Variants in ATXN1 observed in about 807,000 individuals in gnomAD.
ATXN1 encodes ataxin-1.
In ATXN1, 8 loss-of-function variants were observed where a neutral mutation model predicts 56.4. The observed-to-expected ratio is 0.14, with a 90% CI of 0.08 to 0.26. The LOEUF (loss-of-function observed/expected upper bound fraction) is 0.26. Ranked by LOEUF, ATXN1 falls within the 10% of genes least tolerant of loss-of-function variation. The pLI, the probability that ATXN1 is intolerant of heterozygous loss-of-function variation, is 1.00. For synonymous variants in ATXN1, 514 were observed against 494.6 expected, an observed-to-expected ratio of 1.04 and a Z score of -0.52; for missense variants, 987 against 1,106.5, an observed-to-expected ratio of 0.89 and a Z score of 1.53.
intron 7 of ATXN1, among the ~76,000 whole-genome samples, chr6:16,320,771 CA>C (rs1207975588): frequency 6.6e-6 from 1 of 152,206 alleles, no homozygotes; most frequent in Non-Finnish European, 1.5e-5. Flanking sequence ...AGTTCATACT[CA>C]GAAATACAGA....
At chr6:16,622,052 T>G (rs547875964) in intron 3 of ATXN1, among the ~76,000 whole-genome samples, 1 of 152,338 alleles carries the variant, frequency 6.6e-6, no homozygotes, top group Admixed American at 6.5e-5. Flanking sequence ...CTGATTATGA[T>G]CAGTGAGCTT....
chr6:16,623,054 T>G (rs555023999), intron 3 of ATXN1, among the ~76,000 whole-genome samples: 1 of 152,364 alleles, frequency 6.6e-6, no homozygotes, highest in African/African-American at 2.4e-5. Context: ...CTTTCATTGT[T>G]GTATTGTGTT....
chr6:16,598,554 G>A (rs1762857947), intron 3 of ATXN1, among the ~76,000 whole-genome samples: 1 of 152,148 alleles, frequency 6.6e-6, no homozygotes, highest in Admixed American at 6.5e-5. Flanking sequence ...TGTCTCAGAA[G>A]GTTGTTACGT....
intron 6 of ATXN1, among the ~76,000 whole-genome samples, chr6:16,420,893 C>T (rs945732933): frequency 2.0e-5 from 3 of 152,180 alleles, no homozygotes; most frequent in Non-Finnish European, 2.9e-5. Context: ...TGCTAAGAGA[C>T]AAAACTGAAA....
At chr6:16,347,916 C>T (rs1375350697) in intron 6 of ATXN1, among the ~76,000 whole-genome samples, 2 of 152,198 alleles carry the variant, frequency 1.3e-5, no homozygotes, top group Non-Finnish European at 2.9e-5. Flanking sequence ...TGCTGCTGTT[C>T]ACTCTTTGGA....
intron 6 of ATXN1, among the ~76,000 whole-genome samples, chr6:16,440,421 C>T (rs1272531914): frequency 6.7e-6 from 1 of 148,774 alleles, no homozygotes; most frequent in Non-Finnish European, 1.5e-5. Flanking sequence ...GGCAAAAGAA[C>T]GTGGGAAAGA....
chr6:16,425,401 A>C (rs1294125934), intron 6 of ATXN1, among the ~76,000 whole-genome samples: 2 of 152,232 alleles, frequency 1.3e-5, no homozygotes, highest in African/African-American at 4.8e-5. Context: ...GAATGCTCCC[A>C]ACATAATATA....
At chr6:16,388,594 C>G (rs1158034359) in intron 6 of ATXN1, among the ~76,000 whole-genome samples, 1 of 152,238 alleles carries the variant, frequency 6.6e-6, no homozygotes, top group African/African-American at 2.4e-5. Flanking sequence ...CAGTTGGGAA[C>G]TTCACATGTG....
intron 4 of ATXN1, among the ~76,000 whole-genome samples, chr6:16,570,894 T>C (rs1443861280): frequency 1.3e-5 from 2 of 152,176 alleles, no homozygotes; most frequent in African/African-American, 2.4e-5. Flanking sequence ...CTCATCACTT[T>C]GTTGCATCTC....
chr6:16,627,179 AG>A (rs758618147), intron 3 of ATXN1, among the ~76,000 whole-genome samples: 83 of 152,338 alleles, frequency 5.4e-4, no homozygotes, highest in Non-Finnish European at 1.1e-3. Flanking sequence ...TTCTTGGTCA[AG>A]CCATTTTTAC....
chr6:16,689,844 T>C (rs527549568), intron 2 of ATXN1, among the ~76,000 whole-genome samples: 6 of 152,216 alleles, frequency 3.9e-5, no homozygotes, highest in African/African-American at 7.2e-5. Flanking sequence ...TTAATAATCC[T>C]GTACAATGGG....
intron 6 of ATXN1, among the ~76,000 whole-genome samples, chr6:16,363,590 T>C (rs1325169583): frequency 6.6e-6 from 1 of 152,224 alleles, no homozygotes; most frequent in African/African-American, 2.4e-5. Context: ...AAGTTTTCCT[T>C]CAAGCATAGA....
chr6:16,531,743 A>T (rs1376389396), intron 4 of ATXN1, among the ~76,000 whole-genome samples: 1 of 152,222 alleles, frequency 6.6e-6, no homozygotes, highest in African/African-American at 2.4e-5. Context: ...AAAGGCAAAG[A>T]ACACAGCTCT....
chr6:16,664,515 G>C (rs1201059391), intron 2 of ATXN1, among the ~76,000 whole-genome samples: 3 of 152,044 alleles, frequency 2.0e-5, no homozygotes, highest in Non-Finnish European at 4.4e-5. Flanking sequence ...GGGATAATTT[G>C]TTTTTAAAGG....
chr6:16,737,126 A>C (rs533965548), intron 2 of ATXN1: 1 of 152,372 alleles, frequency 6.6e-6, no homozygotes, highest in South Asian at 2.1e-4. Flanking sequence ...AGCTGATGCT[A>C]TTTAAATATC....
intron 7 of ATXN1, among the ~76,000 whole-genome samples, chr6:16,312,766 C>T (rs140716500): frequency 3.3e-5 from 5 of 152,240 alleles, no homozygotes; most frequent in African/African-American, 9.6e-5. Flanking sequence ...TCACTGGTGC[C>T]CAAATGTCTA....
At chr6:16,645,287 A>G (rs893321991) in intron 3 of ATXN1, among the ~76,000 whole-genome samples, 3 of 152,210 alleles carry the variant, frequency 2.0e-5, no homozygotes, top group Non-Finnish European at 2.9e-5. Context: ...CTGGGCTCCT[A>G]CAAGTGGTTT....
At chr6:16,352,177 G>A (rs954922863) in intron 6 of ATXN1, among the ~76,000 whole-genome samples, 1 of 152,200 alleles carries the variant, frequency 6.6e-6, no homozygotes, top group Non-Finnish European at 1.5e-5. Context: ...CCCAAGGGAT[G>A]GTGGGTGGGA....
At chr6:16,643,472 T>C (rs9477195) in intron 3 of ATXN1, among the ~76,000 whole-genome samples, 5,874 of 151,078 alleles carry the variant, frequency 0.039, 395 homozygotes, top group African/African-American at 0.13. Flanking sequence ...CTACAAAAAA[T>C]ACAAAAATTA....
Sources: allele counts gnomAD v4.1 joint callset (sites outside exome capture counted in the v4.1 genomes callset), GRCh38; gene constraint gnomAD v4.1.1; transcripts MANE v1.5; gene names NCBI Gene and HGNC (gene_info 2026-07-23, HGNC 2026-07-21).